Variants in AACS observed in about 807,000 individuals in gnomAD.
The protein encoded by AACS is acetoacetyl-CoA synthetase.
AACS carries 69 observed loss-of-function variants against 83.1 expected under a neutral mutation model. The observed-to-expected ratio is 0.83, with a 90% CI of 0.68 to 1.01. The LOEUF (loss-of-function observed/expected upper bound fraction) is 1.01. Ranked by LOEUF, AACS falls within the 50% of genes least tolerant of loss-of-function variation. The pLI is 0.00. For missense variants in AACS, 866 were observed against 882.2 expected, an observed-to-expected ratio of 0.98 and a Z score of 0.23; for synonymous variants, 333 against 343.4, an observed-to-expected ratio of 0.97 and a Z score of 0.33.
chr12:125,127,969 G>A (rs1957272201), intron 12 of AACS, 192 bp from the exon 13 acceptor site: 7 of 433,564 alleles, frequency 1.6e-5, no homozygotes, highest in Middle Eastern at 3.0e-4. Flanking sequence ...GATGTGGGGG[G>A]TTCATTCTAA....
In AACS at chr12:125,094,586, T is replaced by C. The variant is rs1956561668; in HGVS notation, c.570+3063T>C. 6.6e-6 allele frequency among the ~76,000 whole-genome samples: 1 copy of C among 152,176 alleles called. No individual in the cohort carries two copies. The highest frequency in any genetic ancestry group is 1.5e-5 in the Non-Finnish European group (1 of 68,028). On this transcript the variant is annotated intron_variant, in intron 5 of 17. Coordinates refer to ENST00000316519, the MANE Select transcript of AACS (RefSeq NM_023928.5). This position sits in a 1 kb window ranked among gnomAD's most constrained non-coding sequence, Gnocchi z 4.1. The stretch of plus-strand genomic sequence containing the variant: ...TGCTGGGGCATCCGTCTTTACTCGA[T>C]GACACTGGGGGAACGCGTTTCTGGC...
In AACS at chr12:125,076,504, C is replaced by T. The variant is rs200646490; in HGVS notation, c.251C>T (p.Ser84Leu). The change falls in exon 3 of 18, where the codon TCG becomes TTG. Residue 84 changes from serine (S) to leucine (L), a missense_variant. By Grantham distance (145) the Ser-to-Leu change is moderately radical. Coordinates refer to ENST00000316519, the MANE Select transcript of AACS (RefSeq NM_023928.5). ...CATTCTCTATAGGTTGTGGACACAT[C>T]GAAAGGAATCGCAGATGTCCCCGAG... ...SRVYDEVVDTSKGIADVPEWF... is the reference protein window; with the variant it reads ...SRVYDEVVDTLKGIADVPEWF... 1.3e-4 allele frequency: 213 copies of T among 1,613,924 alleles called. No homozygotes were observed. The highest frequency in any genetic ancestry group is 1.7e-4 in the Non-Finnish European group (202 of 1,179,970).
At chr12:125,110,994 G>A (rs577332062) in intron 8 of AACS, among the ~76,000 whole-genome samples, 4 of 152,034 alleles carry the variant, frequency 2.6e-5, no homozygotes, top group Non-Finnish European at 5.9e-5. Context: ...AGGTCCAAGA[G>A]CCTGTCCACG....
At chr12:125,070,686 A>G (rs906855380) in intron 1 of AACS, among the ~76,000 whole-genome samples, 1 of 152,330 alleles carries the variant, frequency 6.6e-6, no homozygotes, top group East Asian at 1.9e-4. Flanking sequence ...GTCGGGCTCC[A>G]TCTGGCACCT....
rs1026458270 is a variant in AACS, at chr12:125,136,542, G to A, written c.1679-120G>A. ...TCCTGGGTGGACTGGGAGAACACAG[G>A]CACCGCTGGAAGGCTTGGGGGACCC... On this transcript the variant is annotated intron_variant, in intron 16 of 17. Transcript: ENST00000316519. 5.4e-5 allele frequency: 39 copies of A among 718,298 alleles called. No individual in the cohort carries two copies. The East Asian group carries it at 6.0e-4, about 11-fold the overall frequency. 44.5% of individuals were successfully genotyped at this position (718,298 alleles called of 1,614,324 possible).
chr12:125,118,617 G>A, intron 9 of AACS, 24 bp from the exon 10 acceptor site: 10 of 1,613,468 alleles, frequency 6.2e-6, no homozygotes, highest in Non-Finnish European at 8.5e-6. Flanking sequence ...GCCCGCTGAA[G>A]CCGCATCCCT....
At position 125,086,396 on chromosome 12, in the gene AACS, C is replaced by T. The variant is rs375939703; in HGVS notation, c.425C>T (p.Ala142Val). ...EELRQEVALFAAAMRKMGVKK... is the reference protein window; with the variant it reads ...EELRQEVALFVAAMRKMGVKK... ...CTGAGGCAAGAAGTGGCTTTGTTTG[C>T]AGCAGCAATGAGGAAAATGGGTGTG... The change falls in exon 4 of 18, where the codon GCA (alanine) becomes GTA (valine). Residue 142 changes from alanine to valine, a missense_variant. Transcript: ENST00000316519. 1 of 1,614,138 alleles carries T rather than the reference C, an allele frequency of 6.2e-7. No homozygotes were observed. The highest frequency in any genetic ancestry group is 8.5e-7 in the Non-Finnish European group (1 of 1,180,028).
intron 8 of AACS, among the ~76,000 whole-genome samples, chr12:125,108,524 A>G (rs994853842): frequency 1.3e-5 from 2 of 152,194 alleles, no homozygotes; most frequent in African/African-American, 4.8e-5. Context: ...TTTTGGGGGT[A>G]CACAGTTCAG....
intron 5 of AACS, among the ~76,000 whole-genome samples, chr12:125,099,200 A>G (rs11612706): frequency 6.6e-6 from 1 of 152,186 alleles, no homozygotes; most frequent in Non-Finnish European, 1.5e-5. Flanking sequence ...GTAGTCGATA[A>G]CATTGGTCTG....
At chr12:125,067,563 C>T (rs535524982) in intron 1 of AACS, among the ~76,000 whole-genome samples, 4 of 151,386 alleles carry the variant, frequency 2.6e-5, no homozygotes, top group East Asian at 1.9e-4. Flanking sequence ...TTTTAAGCCT[C>T]GCTTTTCTCC....
intron 17 of AACS, chr12:125,141,644 C>T (rs11612119): frequency 0.07 from 10,461 of 148,840 alleles, 443 homozygotes; most frequent in African/African-American, 0.11. Flanking sequence ...TTGCAGTAAG[C>T]GGAGATTGCA....
At chr12:125,074,704 C>T (rs1437357909) in intron 2 of AACS, among the ~76,000 whole-genome samples, 2 of 121,440 alleles carry the variant, frequency 1.6e-5, no homozygotes, top group Non-Finnish European at 3.2e-5. Context: ...TGCTCTATTG[C>T]CCAGGCTGGA....
Position 125,103,008 on chromosome 12 carries a change from G to T in AACS, c.694G>T (p.Asp232Tyr). The part of the protein sequence containing the change: ...KLQQVVKGLP[D>Y]LKKVVVIPYV... ...CCTCTCGCTCCTTCCAGGCCTACCA[G>T]ACTTGAAGAAAGTGGTGGTGATTCC... Residue 232 changes from aspartate (D) to tyrosine (Y), a missense_variant, in exon 7 of 18, where the codon GAC (aspartate) becomes TAC (tyrosine). Transcript: ENST00000316519. The T allele has an allele frequency of 1.2e-6, 2 of 1,613,598 alleles. No homozygotes were observed. The highest frequency in any genetic ancestry group is 8.5e-7 in the Non-Finnish European group (1 of 1,179,938).
intron 3 of AACS, chr12:125,078,129 C>T: frequency 4.4e-6 from 2 of 456,306 alleles, no homozygotes; most frequent in Non-Finnish European, 8.8e-6. Context: ...TGGAAACAGG[C>T]AGTGAGTGGC....
At chr12:125,089,759 T>C (rs532983335) in intron 4 of AACS, among the ~76,000 whole-genome samples, 14 of 151,740 alleles carry the variant, frequency 9.2e-5, no homozygotes, top group Admixed American at 9.2e-4. Context: ...CCATCCGTCA[T>C]CCATCTATCC....
At chr12:125,108,291 CCTCT>C (rs1156268092) in intron 8 of AACS, among the ~76,000 whole-genome samples, 1 of 152,190 alleles carries the variant, frequency 6.6e-6, no homozygotes, top group African/African-American at 2.4e-5. Context: ...TTGTCTGAGG[CCTCT>C]CTCCTTGGCT....
chr12:125,134,549 G>A (rs1305510388), intron 15 of AACS, among the ~76,000 whole-genome samples: 6 of 152,200 alleles, frequency 3.9e-5, no homozygotes, highest in Admixed American at 3.3e-4. Flanking sequence ...ACCTGCAATG[G>A]GGGACACGTG....
In AACS at chr12:125,129,265, AAG is replaced by A. The variant is rs901030666; in HGVS notation, c.1424-60_1424-59del. The A allele has an allele frequency of 2.0e-5, 30 of 1,536,314 alleles. No homozygotes were observed. Among genetic ancestry groups the A allele is most frequent in the Middle Eastern group, 2.4e-4 (1 of 4,196 alleles). On this transcript the variant is annotated intron_variant, in intron 13 of 17. Coordinates refer to ENST00000316519, the MANE Select transcript of AACS (RefSeq NM_023928.5). The surrounding 1 kb of genome is among the most constrained non-coding windows in gnomAD (Gnocchi z 4.3). ...TTGCATAATAAGTAATAGCTTAAGA[AAG>A]AGAGAGAGACAGCCAGGGTGTGTGG...
At chr12:125,103,147 C>T (rs1300063131) in intron 7 of AACS, 66 bp downstream of exon 7, 18 of 1,379,732 alleles carry the variant, frequency 1.3e-5, no homozygotes, top group Admixed American at 1.0e-4. Context: ...GGGAAGTAGG[C>T]CTCTGGATCT....
Sources: gnomAD v4.1 joint callset for allele counts (sites outside exome capture counted in the v4.1 genomes callset) on GRCh38, gnomAD v4.1.1 for gene constraint, Gnocchi (gnomAD v3.1) non-coding constraint, MANE v1.5 for transcripts, NCBI Gene and HGNC (gene_info 2026-07-23, HGNC 2026-07-21) for gene names.